Variants in NR2F1-AS1 observed in about 807,000 individuals in gnomAD.
The protein encoded by NR2F1-AS1 is NR2F1 antisense RNA 1.
At chr5:93,573,152 G>C (rs1397477768) in intron 1 of NR2F1-AS1, among the ~76,000 whole-genome samples, 1 of 152,250 alleles carries the variant, frequency 6.6e-6, no homozygotes, top group African/African-American at 2.4e-5. Context: ...GTCTTCGCAA[G>C]ACCGCAGCTC....
chr5:93,433,695 T>C (rs1749374496), intron 4 of NR2F1-AS1, among the ~76,000 whole-genome samples: 1 of 152,226 alleles, frequency 6.6e-6, no homozygotes, highest in African/African-American at 2.4e-5. Flanking sequence ...GCTCAATGCT[T>C]TTGACTGCTT....
intron 4 of NR2F1-AS1, among the ~76,000 whole-genome samples, chr5:93,432,813 G>A (rs1322711695): frequency 6.6e-6 from 1 of 152,106 alleles, no homozygotes; most frequent in African/African-American, 2.4e-5. Context: ...CACAAAGGTT[G>A]AAGTTACAGA....
At chr5:93,442,283 T>G (rs1270661391) in intron 4 of NR2F1-AS1, among the ~76,000 whole-genome samples, 1 of 152,190 alleles carries the variant, frequency 6.6e-6, no homozygotes, top group Non-Finnish European at 1.5e-5. Flanking sequence ...GGCAATTCCC[T>G]TTCCTAGCCA....
intron 4 of NR2F1-AS1, among the ~76,000 whole-genome samples, chr5:93,539,711 T>C (rs1561489922): frequency 6.6e-6 from 1 of 152,142 alleles, no homozygotes; most frequent in South Asian, 2.1e-4. Context: ...AAGGTAACTA[T>C]GGTTAACATT....
intron 4 of NR2F1-AS1, among the ~76,000 whole-genome samples, chr5:93,479,393 T>G (rs573863988): frequency 2.2e-4 from 33 of 152,280 alleles, no homozygotes; most frequent in Non-Finnish European, 4.3e-4. Flanking sequence ...TTAAGAAAAA[T>G]CTCTGTCAGT....
At chr5:93,419,442 C>T (rs1354295442) in intron 4 of NR2F1-AS1, among the ~76,000 whole-genome samples, 1 of 152,112 alleles carries the variant, frequency 6.6e-6, no homozygotes, top group Non-Finnish European at 1.5e-5. Flanking sequence ...ACCTGCAGTC[C>T]CACCTACTTA....
intron 4 of NR2F1-AS1, among the ~76,000 whole-genome samples, chr5:93,417,027 C>T (rs1438498914): frequency 1.3e-5 from 2 of 152,132 alleles, no homozygotes; most frequent in African/African-American, 2.4e-5. Flanking sequence ...GGGGAAAATA[C>T]TCAGTGAAGC....
At chr5:93,550,955 A>G (rs1752212478) in intron 4 of NR2F1-AS1, among the ~76,000 whole-genome samples, 1 of 152,120 alleles carries the variant, frequency 6.6e-6, no homozygotes. Context: ...GGACACAGTA[A>G]AATTCTTAGG....
chr5:93,518,612 T>C (rs1751443016), intron 4 of NR2F1-AS1, among the ~76,000 whole-genome samples: 1 of 152,144 alleles, frequency 6.6e-6, no homozygotes, highest in Non-Finnish European at 1.5e-5. Flanking sequence ...ATATTTAAAA[T>C]GGTAACAATT....
chr5:93,414,314 T>C lies in NR2F1-AS1; in HGVS notation n.639-18772A>G, dbSNP rs549475506. 7.9e-5 allele frequency among the ~76,000 whole-genome samples: 12 copies of C among 152,332 alleles called. 1 individual carries two copies. The highest frequency in any genetic ancestry group is 2.4e-4 in the African/African-American group (10 of 41,578). ...CCCACTGTCCACATCTTTTTATTGATAGAATCCTTGAATTTAAAGAGATGA... is the reference window on the plus strand; with the variant it reads ...CCCACTGTCCACATCTTTTTATTGACAGAATCCTTGAATTTAAAGAGATGA... On this transcript the variant is annotated intron_variant and non_coding_transcript_variant, in intron 4 of 5. Coordinates refer to ENST00000660523, the Ensembl canonical transcript of NR2F1-AS1.
At chr5:93,539,260 A>G (rs1307038226) in intron 4 of NR2F1-AS1, among the ~76,000 whole-genome samples, 1 of 152,160 alleles carries the variant, frequency 6.6e-6, no homozygotes, top group Non-Finnish European at 1.5e-5. Flanking sequence ...CCTGGGTGAA[A>G]GAGCAAGACT....
chr5:93,433,623 T>G (rs994980023), intron 4 of NR2F1-AS1, among the ~76,000 whole-genome samples: 1 of 152,166 alleles, frequency 6.6e-6, no homozygotes, highest in Non-Finnish European at 1.5e-5. Context: ...CATGACTGTA[T>G]AGAGATGGTA....
intron 4 of NR2F1-AS1, among the ~76,000 whole-genome samples, chr5:93,455,914 T>C (rs1217173509): frequency 6.6e-6 from 1 of 151,840 alleles, no homozygotes; most frequent in Non-Finnish European, 1.5e-5. Flanking sequence ...CACCTATTCA[T>C]AATAAACCCT....
chr5:93,479,850 T>C (rs1429541577), intron 4 of NR2F1-AS1, among the ~76,000 whole-genome samples: 1 of 152,062 alleles, frequency 6.6e-6, no homozygotes, highest in African/African-American at 2.4e-5. Context: ...AAATTATTTT[T>C]TTTTAAAAAG....
At chr5:93,434,998 T>C (rs189710823) in intron 4 of NR2F1-AS1, among the ~76,000 whole-genome samples, 3 of 152,368 alleles carry the variant, frequency 2.0e-5, no homozygotes, top group Admixed American at 6.5e-5. Flanking sequence ...GTTACTCCAC[T>C]ATAAAGTTCT....
intron 4 of NR2F1-AS1, among the ~76,000 whole-genome samples, chr5:93,512,963 CT>C (rs1751331432): frequency 6.6e-6 from 1 of 152,156 alleles, no homozygotes; most frequent in South Asian, 2.1e-4. Flanking sequence ...CAACACATGA[CT>C]GTATATCCTG....
intron 4 of NR2F1-AS1, among the ~76,000 whole-genome samples, chr5:93,448,064 G>A (rs887965607): frequency 6.6e-6 from 1 of 152,106 alleles, no homozygotes; most frequent in Middle Eastern, 3.2e-3. Flanking sequence ...TGGAGGGAAG[G>A]GGGAGGGATA....
chr5:93,571,941 A>G (rs368056770), intron 1 of NR2F1-AS1, among the ~76,000 whole-genome samples: 8 of 152,270 alleles, frequency 5.3e-5, no homozygotes, highest in African/African-American at 1.9e-4. Flanking sequence ...TTGACCCTCT[A>G]GAGACTCAGC....
intron 2 of NR2F1-AS1, among the ~76,000 whole-genome samples, chr5:93,555,761 A>C (rs1362473468): frequency 2.0e-5 from 3 of 152,208 alleles, no homozygotes; most frequent in Non-Finnish European, 2.9e-5. Flanking sequence ...ATATTTAGAC[A>C]ATACTACAGA....
Sources: allele counts gnomAD v4.1 joint callset (sites outside exome capture counted in the v4.1 genomes callset), GRCh38; gene constraint gnomAD v4.1.1; transcripts MANE v1.5; gene names NCBI Gene and HGNC (gene_info 2026-07-23, HGNC 2026-07-21).